Variants in PDE4D observed in about 807,000 individuals in gnomAD.
The protein encoded by PDE4D is 3',5'-cyclic-AMP phosphodiesterase 4D.
A neutral mutation model predicts 87.4 loss-of-function variants in PDE4D; 24 were observed. The observed-to-expected ratio is 0.27, with a 90% CI of 0.20 to 0.39. The LOEUF (loss-of-function observed/expected upper bound fraction) is 0.39. Ranked by LOEUF, PDE4D falls within the 10% of genes least tolerant of loss-of-function variation. The pLI is 1.00. For synonymous variants in PDE4D, 384 were observed against 383.2 expected, an observed-to-expected ratio of 1.00 and a Z score of -0.02; for missense variants, 714 against 1,041.0, an observed-to-expected ratio of 0.69 and a Z score of 4.32.
At chr5:60,224,028 A>G (rs780587360) in intron 1 of PDE4D, among the ~76,000 whole-genome samples, 3 of 152,066 alleles carry the variant, frequency 2.0e-5, no homozygotes, top group African/African-American at 2.4e-5. Flanking sequence ...TACAACTCCA[A>G]TGATACCAAT....
intron 11 of PDE4D, among the ~76,000 whole-genome samples, chr5:58,986,287 A>G (rs1339239999): frequency 1.3e-5 from 2 of 152,212 alleles, no homozygotes; most frequent in African/African-American, 4.8e-5. Flanking sequence ...CTCAAACTTT[A>G]GAGTATCAGA....
intron 3 of PDE4D, among the ~76,000 whole-genome samples, chr5:59,919,414 G>C (rs1409819040): frequency 6.6e-6 from 1 of 152,098 alleles, no homozygotes; most frequent in Non-Finnish European, 1.5e-5. Flanking sequence ...CTTTCTAGGA[G>C]GTTTATTCTT....
intron 2 of PDE4D, among the ~76,000 whole-genome samples, chr5:60,179,476 G>C (rs1180255817): frequency 6.6e-6 from 1 of 151,864 alleles, no homozygotes; most frequent in African/African-American, 2.4e-5. Context: ...TTGATGATTT[G>C]GTTTGGATTT....
chr5:59,084,825 C>G (rs73093349), intron 5 of PDE4D, among the ~76,000 whole-genome samples: 480 of 152,098 alleles, frequency 3.2e-3, no homozygotes, highest in African/African-American at 0.011. Flanking sequence ...ATTAGACACA[C>G]AAAACAGATT....
At chr5:60,031,253 T>A (rs191110704) in intron 2 of PDE4D, among the ~76,000 whole-genome samples, 1 of 152,340 alleles carries the variant, frequency 6.6e-6, no homozygotes, top group East Asian at 1.9e-4. Flanking sequence ...AAGAAGAGGC[T>A]TTTTGCTTTA....
intron 2 of PDE4D, among the ~76,000 whole-genome samples, chr5:60,083,759 C>A (rs1240894214): frequency 6.6e-6 from 1 of 152,094 alleles, no homozygotes; most frequent in Admixed American, 6.6e-5. Context: ...AAATAAAGTA[C>A]ACATAGAACG....
chr5:60,266,964 T>A (rs899857588), intron 1 of PDE4D, among the ~76,000 whole-genome samples: 1 of 152,228 alleles, frequency 6.6e-6, no homozygotes, highest in Non-Finnish European at 1.5e-5. Flanking sequence ...CAAACCCATG[T>A]GTTTCTGCCC....
At chr5:60,002,350 T>C (rs1451193349) in intron 2 of PDE4D, among the ~76,000 whole-genome samples, 1 of 151,682 alleles carries the variant, frequency 6.6e-6, no homozygotes, top group Non-Finnish European at 1.5e-5. Context: ...ATTTTAAGAA[T>C]TAATACAAAT....
At chr5:59,847,278 T>G (rs1028087379) in intron 1 of PDE4D, among the ~76,000 whole-genome samples, 8 of 152,050 alleles carry the variant, frequency 5.3e-5, no homozygotes, top group Non-Finnish European at 8.8e-5. Context: ...CCATTGTATC[T>G]CACACCTAAT....
chr5:59,919,891 G>A (rs1581737952), intron 3 of PDE4D, among the ~76,000 whole-genome samples: 1 of 152,268 alleles, frequency 6.6e-6, no homozygotes, highest in East Asian at 1.9e-4. Context: ...CAGATGCTTT[G>A]TTATAATAAC....
chr5:59,985,140 TTTTTGTTTTTTA>T lies in PDE4D; in HGVS notation c.272+3336_272+3347del, dbSNP rs1561944543. Among the ~76,000 whole-genome samples the T allele has an allele frequency of 1.3e-4, 15 of 117,650 alleles. 2 individuals carry two copies. Among genetic ancestry groups the T allele is most frequent in the African/African-American group, 2.6e-4 (10 of 38,584 alleles). The allele number at this position is 117,650 out of a possible 152,430, so 77.2% of individuals were successfully genotyped here. ...TCACCTTTCGTTTTTTGTTTTTTGT[TTTTTGTTTTTTA>T]TTTTGAGACAGAGTCTCACTCTGTC... On this transcript the variant is annotated intron_variant, in intron 3 of 16. Transcript: ENST00000502484.
chr5:59,963,420 C>T (rs1050704677), intron 3 of PDE4D, among the ~76,000 whole-genome samples: 34 of 152,246 alleles, frequency 2.2e-4, no homozygotes, highest in African/African-American at 7.5e-4. Flanking sequence ...TGTATGTGCT[C>T]GCCCATGCAC....
At chr5:60,403,279 C>T (rs1043434307) in intron 1 of PDE4D, among the ~76,000 whole-genome samples, 1 of 152,182 alleles carries the variant, frequency 6.6e-6, no homozygotes, top group East Asian at 1.9e-4. Flanking sequence ...ATGAAGAATA[C>T]TTAAATTTCA....
intron 1 of PDE4D, among the ~76,000 whole-genome samples, chr5:60,421,398 T>C (rs913879597): frequency 2.6e-5 from 4 of 152,090 alleles, no homozygotes; most frequent in African/African-American, 7.2e-5. Context: ...CCCAGGCAAA[T>C]AGGATCTGGA....
At chr5:59,257,218 G>A (rs1017538587) in intron 1 of PDE4D, among the ~76,000 whole-genome samples, 22 of 152,120 alleles carry the variant, frequency 1.4e-4, no homozygotes, top group African/African-American at 4.3e-4. Context: ...GAAAATGATC[G>A]TGGCAATGAT....
At chr5:60,001,099 C>T (rs995222210) in intron 2 of PDE4D, among the ~76,000 whole-genome samples, 2 of 152,124 alleles carry the variant, frequency 1.3e-5, no homozygotes, top group Admixed American at 6.6e-5. Flanking sequence ...GACTTAGTTC[C>T]AAGCTCTCTC....
At chr5:59,721,352 C>T (rs1755804240) in intron 1 of PDE4D, among the ~76,000 whole-genome samples, 1 of 152,110 alleles carries the variant, frequency 6.6e-6, no homozygotes, top group Non-Finnish European at 1.5e-5. Context: ...AACACAGACA[C>T]AAAGTAAAAT....
intron 1 of PDE4D, among the ~76,000 whole-genome samples, chr5:59,315,895 A>G (rs1285719645): frequency 6.6e-6 from 1 of 152,154 alleles, no homozygotes; most frequent in Non-Finnish European, 1.5e-5. Context: ...AGGAAGTATG[A>G]TGGGAGGAGA....
chr5:59,369,172 G>A (rs761581373), intron 1 of PDE4D, among the ~76,000 whole-genome samples: 6 of 152,200 alleles, frequency 3.9e-5, no homozygotes, highest in Non-Finnish European at 7.3e-5. Flanking sequence ...TCATTGATGA[G>A]TATCATTGTA....
Sources: gnomAD v4.1 joint callset for allele counts (sites outside exome capture counted in the v4.1 genomes callset) on GRCh38, gnomAD v4.1.1 for gene constraint, MANE v1.5 for transcripts, NCBI Gene and HGNC (gene_info 2026-07-23, HGNC 2026-07-21) for gene names.